The following SUPT3H variants were observed in gnomAD, a reference collection of about 807,000 sequenced individuals.
SUPT3H encodes the protein transcription initiation protein SPT3 homolog.
In SUPT3H, 44 loss-of-function variants were observed where a neutral mutation model predicts 44.3. The ratio of observed to expected loss-of-function variants is 0.99; its 90% CI spans 0.78 to 1.28. The LOEUF (loss-of-function observed/expected upper bound fraction) is 1.28. Ranked by LOEUF, SUPT3H falls within the 50% of genes most tolerant of loss-of-function variation. The pLI is 0.00. For synonymous variants in SUPT3H, 124 were observed against 125.6 expected, an observed-to-expected ratio of 0.99 and a Z score of 0.09; for missense variants, 380 against 387.1, an observed-to-expected ratio of 0.98 and a Z score of 0.15.
At chr6:44,948,843 A>G (rs1304715039) in intron 9 of SUPT3H, among the ~76,000 whole-genome samples, 1 of 152,182 alleles carries the variant, frequency 6.6e-6, no homozygotes, top group African/African-American at 2.4e-5. Flanking sequence ...TGATTCCTCA[A>G]GAATCTAGAA....
intron 6 of SUPT3H, among the ~76,000 whole-genome samples, chr6:44,992,716 G>T (rs1023799666): frequency 6.6e-6 from 1 of 152,096 alleles, no homozygotes; most frequent in East Asian, 1.9e-4. Flanking sequence ...TAACAGTAAA[G>T]AATCTAAATA....
chr6:45,071,245 A>G (rs1015603977), intron 3 of SUPT3H, among the ~76,000 whole-genome samples: 5 of 150,914 alleles, frequency 3.3e-5, no homozygotes, highest in Admixed American at 3.3e-4. Flanking sequence ...TATTAATCCC[A>G]TAGGTCAGTA....
intron 2 of SUPT3H, among the ~76,000 whole-genome samples, chr6:45,124,908 G>A (rs1370288454): frequency 6.6e-6 from 1 of 152,040 alleles, no homozygotes; most frequent in African/African-American, 2.4e-5. Flanking sequence ...TACAAAAAGT[G>A]GAAATTTGCA....
At chr6:44,912,748 C>T (rs373068952) in intron 10 of SUPT3H, among the ~76,000 whole-genome samples, 1 of 152,138 alleles carries the variant, frequency 6.6e-6, no homozygotes, top group African/African-American at 2.4e-5. Flanking sequence ...GTTACTGTTG[C>T]CCTCCTTACA....
At chr6:45,247,079 C>G (rs1427766336) in intron 2 of SUPT3H, among the ~76,000 whole-genome samples, 2 of 152,036 alleles carry the variant, frequency 1.3e-5, no homozygotes, top group East Asian at 3.8e-4. Flanking sequence ...AAGAGCTATC[C>G]CAATGGATCC....
intron 3 of SUPT3H, among the ~76,000 whole-genome samples, chr6:45,059,984 T>C (rs1169566925): frequency 1.3e-5 from 2 of 152,096 alleles, no homozygotes; most frequent in South Asian, 2.1e-4. Flanking sequence ...TGCTCATAGA[T>C]AGGAAGAATC....
intron 2 of SUPT3H, among the ~76,000 whole-genome samples, chr6:45,288,549 A>G (rs73735344): frequency 0.078 from 159 of 2,036 alleles, 13 homozygotes; most frequent in South Asian, 0.18. Context: ...GTGTGTGTGT[A>G]TATATATATA....
intron 7 of SUPT3H, 91 bp downstream of exon 7, chr6:44,961,662 A>G: frequency 9.5e-7 from 1 of 1,055,172 alleles, no homozygotes; most frequent in Non-Finnish European, 1.4e-6. Flanking sequence ...AAATCCACCA[A>G]TTTCTAAGAA....
intron 11 of SUPT3H, among the ~76,000 whole-genome samples, chr6:44,815,372 A>G (rs1297423613): frequency 6.6e-6 from 1 of 152,242 alleles, no homozygotes. Flanking sequence ...ATTACATTAG[A>G]TATAGTCTAA....
rs150071157 is a variant in SUPT3H, at chr6:45,307,664, G to A, written c.101+57537C>T. On this transcript the variant is annotated intron_variant, in intron 2 of 10. Coordinates refer to ENST00000371459, the MANE Select transcript of SUPT3H (RefSeq NM_003599.4). ...AAAGGTAGATAAAAAAGACAAAGAT[G>A]GGGAAAAAGCAGAACAGAAAAACTG... 2.2e-3 allele frequency among the ~76,000 whole-genome samples: 334 copies of A among 152,274 alleles called. 1 individual carries two copies. Among genetic ancestry groups the A allele is most frequent in the Middle Eastern group, 0.017 (5 of 294 alleles).
chr6:45,347,156 A>G (rs532586939), intron 2 of SUPT3H, among the ~76,000 whole-genome samples: 78 of 152,312 alleles, frequency 5.1e-4, no homozygotes, highest in African/African-American at 1.8e-3. Context: ...TACATGTATC[A>G]TATTAAGATA....
chr6:44,830,427 C>T (rs1768444979), intron 10 of SUPT3H, among the ~76,000 whole-genome samples: 1 of 152,122 alleles, frequency 6.6e-6, no homozygotes, highest in Non-Finnish European at 1.5e-5. Flanking sequence ...ATATACATAC[C>T]TGTACGTACA....
intron 1 of SUPT3H, among the ~76,000 whole-genome samples, chr6:45,372,461 A>G (rs1942659702): frequency 6.6e-6 from 1 of 152,250 alleles, no homozygotes; most frequent in Non-Finnish European, 1.5e-5. Context: ...TAATATGAAT[A>G]AAGTGAAATA....
At chr6:45,357,461 G>A (rs1793448228) in intron 2 of SUPT3H, among the ~76,000 whole-genome samples, 1 of 152,042 alleles carries the variant, frequency 6.6e-6, no homozygotes. Flanking sequence ...CTCCCAAGTA[G>A]CTGGGACTAC....
chr6:45,014,719 T>G, intron 5 of SUPT3H, 82 bp downstream of exon 5: 1 of 906,554 alleles, frequency 1.1e-6, no homozygotes, highest in Non-Finnish European at 1.6e-6. Context: ...GTTCTCCAGT[T>G]ACATTGGAAT....
chr6:45,316,095 G>A (rs1235533343), intron 2 of SUPT3H, among the ~76,000 whole-genome samples: 2 of 152,172 alleles, frequency 1.3e-5, no homozygotes, highest in Non-Finnish European at 2.9e-5. Context: ...AACATCGTAT[G>A]TTCTCACTGA....
intron 2 of SUPT3H, among the ~76,000 whole-genome samples, chr6:45,196,110 T>C (rs1042711816): frequency 6.6e-6 from 1 of 152,106 alleles, no homozygotes; most frequent in African/African-American, 2.4e-5. Context: ...CAATCTACCA[T>C]AGATAATACA....
At chr6:45,133,697 C>A (rs183926088) in intron 2 of SUPT3H, among the ~76,000 whole-genome samples, 1 of 152,158 alleles carries the variant, frequency 6.6e-6, no homozygotes, top group African/African-American at 2.4e-5. Flanking sequence ...CATCTGACAA[C>A]CCTCCAGATC....
At position 45,014,783 on chromosome 6, in the gene SUPT3H, G is replaced by A; in HGVS notation, c.364+18C>T. 6.5e-7 allele frequency: 1 copy of A among 1,535,974 alleles called. No homozygotes were observed. The highest frequency in any genetic ancestry group is 8.8e-7 in the Non-Finnish European group (1 of 1,142,046). On this transcript the variant is annotated intron_variant, in intron 5 of 10. Coordinates refer to ENST00000371459, the MANE Select transcript of SUPT3H (RefSeq NM_003599.4). ...TGTCATAAGCTCATGTTTTAGTTTTGTGTTTTGTTTTGGTTACCTTCGAGA... is the reference window on the plus strand; with the variant it reads ...TGTCATAAGCTCATGTTTTAGTTTTATGTTTTGTTTTGGTTACCTTCGAGA...
Sources: allele counts gnomAD v4.1 joint callset (sites outside exome capture counted in the v4.1 genomes callset), GRCh38; gene constraint gnomAD v4.1.1; transcripts MANE v1.5; gene names NCBI Gene and HGNC (gene_info 2026-07-23, HGNC 2026-07-21).